Variants in NT5C3A observed in about 807,000 individuals in gnomAD.
The protein encoded by NT5C3A is 5'-nucleotidase, cytosolic IIIA.
In NT5C3A, 23 loss-of-function variants were observed where a neutral mutation model predicts 40.0. The ratio of observed to expected loss-of-function variants is 0.58; its 90% CI spans 0.41 to 0.81. NT5C3A has a LOEUF of 0.81. NT5C3A is among the 40% of genes least tolerant of loss of function. NT5C3A has a pLI of 0.00. For missense variants in NT5C3A, 328 were observed against 403.0 expected, an observed-to-expected ratio of 0.81 and a Z score of 1.59; for synonymous variants, 130 against 141.4, an observed-to-expected ratio of 0.92 and a Z score of 0.57.
chr7:33,021,189 G>T, intron 5 of NT5C3A, 83 bp downstream of exon 5: 1 of 1,571,544 alleles, frequency 6.4e-7, no homozygotes, highest in South Asian at 1.2e-5. Flanking sequence ...TTGCAATACA[G>T]GTAAAAAATA....
intron 3 of NT5C3A, among the ~76,000 whole-genome samples, chr7:33,022,838 A>G (rs1785700279): frequency 6.6e-6 from 1 of 152,100 alleles, no homozygotes; most frequent in African/African-American, 2.4e-5. Context: ...TTGTGAATAA[A>G]GTTTTTTAAA....
In NT5C3A at chr7:33,015,699, T is replaced by C. The variant is rs758571255; in HGVS notation, c.865A>G (p.Ile289Val). 4 of 1,610,208 alleles carry C rather than the reference T, an allele frequency of 2.5e-6. No individual in the cohort carries two copies. Among genetic ancestry groups the C allele is most frequent in the Non-Finnish European group, 2.5e-6 (3 of 1,176,966 alleles). The change falls in exon 8 of 9, where the codon ATT (isoleucine) becomes GTT (valine). Residue 289 changes from isoleucine to valine, a missense_variant. By Grantham distance (29) the Ile-to-Val change is conservative. Coordinates refer to ENST00000610140, the MANE Select transcript of NT5C3A (RefSeq NM_001002010.5). ...TCATTTAGATATCCAATTTTCAGAA[T>C]GTGCTCAACATTGGCCACTCCATCT... ...MADGVANVEH[I>V]LKIGYLNDRV...
intron 8 of NT5C3A, 22 bp from the exon 9 acceptor site, chr7:33,014,853 G>T: frequency 1.3e-6 from 2 of 1,593,970 alleles, no homozygotes; most frequent in Middle Eastern, 1.7e-4. Flanking sequence ...ATGAACAAAA[G>T]AAAATTAACA....
chr7:33,038,291 G>A (rs891320361), intron 1 of NT5C3A, among the ~76,000 whole-genome samples: 1 of 152,078 alleles, frequency 6.6e-6, no homozygotes, highest in African/African-American at 2.4e-5. Context: ...TTAATATCTA[G>A]GAATCTAAGA....
At chr7:33,024,265 T>A (rs934221253) in intron 2 of NT5C3A, among the ~76,000 whole-genome samples, 157 bp from the exon 3 acceptor site, 8 of 152,236 alleles carry the variant, frequency 5.3e-5, no homozygotes, top group African/African-American at 1.9e-4. Context: ...TACATTGAAT[T>A]TTCTCATGCG....
At chr7:33,053,942 T>C (rs1039583782) in intron 1 of NT5C3A, among the ~76,000 whole-genome samples, 3 of 152,146 alleles carry the variant, frequency 2.0e-5, no homozygotes, top group African/African-American at 7.2e-5. Context: ...ATATGGATAA[T>C]CTACAGGAAA....
At chr7:33,024,211 G>A in intron 2 of NT5C3A, 103 bp from the exon 3 acceptor site, 1 of 721,290 alleles carries the variant, frequency 1.4e-6, no homozygotes, top group Non-Finnish European at 2.5e-6. Context: ...AGATGCATAG[G>A]ACTGTGCTCA....
Position 33,021,335 on chromosome 7 carries a change from T to C in NT5C3A, c.377A>G (p.Tyr126Cys), listed in dbSNP as rs763425807. The C allele has an allele frequency of 6.2e-7, 1 of 1,611,270 alleles. No individual in the cohort carries two copies. Among genetic ancestry groups the C allele is most frequent in the Non-Finnish European group, 8.5e-7 (1 of 1,178,148 alleles). Reference protein sequence around the residue: ...RKKLLQLKEKYYAIEVDPVLT... With the variant: ...RKKLLQLKEKCYAIEVDPVLT... ...AACAGGATCAACTTCAATAGCGTAA[T>C]ATTTTTCCTTTAGTTGCAATAACTA... Residue 126 changes from tyrosine (Y) to cysteine (C), a missense_variant, in exon 5 of 9, where the codon TAT (tyrosine) becomes TGT (cysteine). This residue lies in a region of NT5C3A where 280 missense variants were observed against 317.2 expected (regional missense o/e 0.88). Coordinates refer to ENST00000610140, the MANE Select transcript of NT5C3A (RefSeq NM_001002010.5).
At chr7:33,031,111 A>AG (rs1276096029) in intron 1 of NT5C3A, among the ~76,000 whole-genome samples, 1 of 150,520 alleles carries the variant, frequency 6.6e-6, no homozygotes, top group Non-Finnish European at 1.5e-5. Context: ...AAAAAACAAA[A>AG]AAAAAAAAAA....
chr7:33,024,804 A>C (rs1785829004), intron 2 of NT5C3A, among the ~76,000 whole-genome samples: 1 of 152,210 alleles, frequency 6.6e-6, no homozygotes, highest in East Asian at 1.9e-4. Context: ...TATCACATGT[A>C]CCGCATATAT....
chr7:33,029,107 G>A (rs1786104300), intron 1 of NT5C3A: 1 of 152,118 alleles, frequency 6.6e-6, no homozygotes, highest in Non-Finnish European at 1.5e-5. Context: ...TATTTAAGTA[G>A]GATGACCTGC....
chr7:33,059,230 A>C (rs1169370736), intron 1 of NT5C3A, among the ~76,000 whole-genome samples: 4 of 152,216 alleles, frequency 2.6e-5, no homozygotes, highest in African/African-American at 9.6e-5. Context: ...TTCCATTTTC[A>C]GTTGCTATTG....
rs543109076 is a variant in NT5C3A, at chr7:33,048,306, A to G, written c.138+14262T>C. Among the ~76,000 whole-genome samples the G allele has an allele frequency of 5.3e-5, 8 of 152,002 alleles. No individual in the cohort carries two copies. The East Asian group carries it at 1.5e-3, about 29-fold the overall frequency. On this transcript the variant is annotated intron_variant, in intron 1 of 8. Transcript: ENST00000610140. ...GTGATCCTCCTGCCTCCACCTCCCA[A>G]CGTGCTGGGATTACAGGTATGAGCC...
At chr7:33,045,462 ATT>A (rs763139628) in intron 1 of NT5C3A, among the ~76,000 whole-genome samples, 2 of 146,336 alleles carry the variant, frequency 1.4e-5, no homozygotes, top group Non-Finnish European at 1.5e-5. Flanking sequence ...CAAATGAAAA[ATT>A]TTTTTTTTTT....
intron 1 of NT5C3A, among the ~76,000 whole-genome samples, chr7:33,062,114 A>G (rs1278437602): frequency 6.6e-6 from 1 of 152,130 alleles, no homozygotes; most frequent in Non-Finnish European, 1.5e-5. Context: ...CCCAACATAA[A>G]ACTAGTCCTC....
intron 1 of NT5C3A, among the ~76,000 whole-genome samples, chr7:33,046,986 T>A (rs1414018319): frequency 1.5e-5 from 1 of 66,334 alleles, no homozygotes; most frequent in East Asian, 3.3e-4. Flanking sequence ...TTTTTTTTTT[T>A]AAGAGTCGGG....
rs114667930 is a variant in NT5C3A, at chr7:33,036,777, T to C, written c.139-9862A>G. On this transcript the variant is annotated intron_variant, in intron 1 of 8. Transcript: ENST00000610140. Reference sequence around the variant, plus strand: ...CAAAAGTCCATTTTTTCCTTCAATTTTCTTACATTAAAATTTTATTTTTAT... The same window carrying C: ...CAAAAGTCCATTTTTTCCTTCAATTCTCTTACATTAAAATTTTATTTTTAT... Among the ~76,000 whole-genome samples the C allele has an allele frequency of 2.2e-3, 337 of 152,176 alleles. 1 individual carries two copies. Among genetic ancestry groups the C allele is most frequent in the African/African-American group, 7.7e-3 (322 of 41,558 alleles).
intron 1 of NT5C3A, among the ~76,000 whole-genome samples, chr7:33,052,960 T>C (rs1362567307): frequency 1.3e-5 from 2 of 152,198 alleles, no homozygotes; most frequent in African/African-American, 4.8e-5. Context: ...CACTAGTATA[T>C]GGGATCCTGT....
In NT5C3A at chr7:33,016,040, A is replaced by C; in HGVS notation, c.694-170T>G. On this transcript the variant is annotated intron_variant, in intron 7 of 8. Coordinates refer to ENST00000610140, the MANE Select transcript of NT5C3A (RefSeq NM_001002010.5). ...TCCATCACATTCACCATAGCTAAGA[A>C]GGGCTCGGAGAAGTAAATGATTTTT... is the stretch of plus-strand genomic sequence containing the variant. The C allele has an allele frequency of 8.1e-6, 5 of 617,642 alleles. No homozygotes were observed. In the South Asian group the frequency reaches 9.6e-5, roughly 12 times the overall value. The allele number at this position is 617,642 out of a possible 1,614,324, so 38.3% of individuals were successfully genotyped here. A position where few individuals can be genotyped will look rare whatever the true frequency, so the allele number is the denominator to read the frequency against.
Sources: allele counts gnomAD v4.1 joint callset (sites outside exome capture counted in the v4.1 genomes callset), GRCh38; gene constraint gnomAD v4.1.1; regional missense constraint gnomAD v4.1.1; transcripts MANE v1.5; gene names NCBI Gene and HGNC (gene_info 2026-07-23, HGNC 2026-07-21).